MTCL1: variants seen among roughly 807,000 people sequenced by gnomAD.
The protein encoded by MTCL1 is microtubule crosslinking factor 1, also known as microtubule cross-linking factor 1.
A neutral mutation model predicts 141.4 loss-of-function variants in MTCL1; 79 were observed. That is an observed-to-expected ratio of 0.56 (90% CI 0.47 to 0.67). The LOEUF is 0.67. MTCL1 is among the 30% of genes least tolerant of loss of function. The pLI is 0.00. For synonymous variants in MTCL1, 914 were observed against 875.8 expected, an observed-to-expected ratio of 1.04 and a Z score of -0.77; for missense variants, 2,177 against 2,113.9, an observed-to-expected ratio of 1.03 and a Z score of -0.59.
intron 7 of MTCL1, chr18:8,789,543 A>T: frequency 1.0e-6 from 1 of 985,444 alleles, no homozygotes; most frequent in Non-Finnish European, 1.2e-6. Context: ...TCAGTGTGGG[A>T]TGCAGCTCTA....
At chr18:8,753,758 G>A (rs2096383511) in intron 4 of MTCL1, among the ~76,000 whole-genome samples, 1 of 152,166 alleles carries the variant, frequency 6.6e-6, no homozygotes. Context: ...ACGGTCCTGA[G>A]AAATAGTCCA....
At chr18:8,727,030 A>C (rs2726350) in intron 4 of MTCL1, among the ~76,000 whole-genome samples, 75,432 of 151,942 alleles carry the variant, frequency 0.5, 20,814 homozygotes, top group African/African-American at 0.74. Context: ...TTAGCTCTCA[A>C]TTGTAAGTGA....
chr18:8,826,356 G>C lies in MTCL1; in HGVS notation c.4722+124G>C, dbSNP rs1190901839. On this transcript the variant is annotated intron_variant, in intron 15 of 16. Transcript: ENST00000359865. ...AGGAATCGTCCATGATTGGTTATTG[G>C]GAGCTGGGGAGGTGTTAGGTTTATG... 8 of 964,058 alleles carry C rather than the reference G, an allele frequency of 8.3e-6. No individual in the cohort carries two copies. In the Admixed American group the frequency reaches 2.4e-4, roughly 29 times the overall value. 59.7% of individuals were successfully genotyped at this position (964,058 alleles called of 1,614,324 possible). A position where few individuals can be genotyped will look rare whatever the true frequency, so the allele number is the denominator to read the frequency against.
intron 4 of MTCL1, among the ~76,000 whole-genome samples, chr18:8,773,391 G>C (rs1281041234): frequency 6.6e-6 from 1 of 152,120 alleles, no homozygotes; most frequent in Non-Finnish European, 1.5e-5. Flanking sequence ...TTAATTGTCA[G>C]TAATTGTGTT....
intron 4 of MTCL1, among the ~76,000 whole-genome samples, chr18:8,741,490 G>A (rs940854374): frequency 6.6e-6 from 1 of 152,076 alleles, no homozygotes; most frequent in African/African-American, 2.4e-5. Context: ...TGCTTTTCCA[G>A]GGCAAAAATT....
At chr18:8,754,910 C>A (rs1199164427) in intron 4 of MTCL1, among the ~76,000 whole-genome samples, 1 of 152,124 alleles carries the variant, frequency 6.6e-6, no homozygotes, top group Non-Finnish European at 1.5e-5. Flanking sequence ...CCAGCTCTGC[C>A]CTGACTCCCT....
intron 9 of MTCL1, 140 bp from the exon 9 acceptor site, chr18:8,797,957 G>T: frequency 1.3e-6 from 1 of 775,612 alleles, no homozygotes; most frequent in Non-Finnish European, 1.9e-6. Context: ...TGGCCAAAAT[G>T]AGCATTTTAG....
chr18:8,723,715 G>A (rs559912372), intron 4 of MTCL1, among the ~76,000 whole-genome samples: 41 of 152,194 alleles, frequency 2.7e-4, no homozygotes, highest in African/African-American at 8.9e-4. Context: ...TTTGTGAAAC[G>A]GTCTCTGAGT....
Position 8,779,933 on chromosome 18 carries a change from T to C in MTCL1, c.417+2041T>C, listed in dbSNP as rs1475516534. Reference sequence around the variant, plus strand: ...TAGGTTCATGGAGACGGAGGAGAATTGTTCTATGATAGATTTGTAGTGGAT... The same window carrying C: ...TAGGTTCATGGAGACGGAGGAGAATCGTTCTATGATAGATTTGTAGTGGAT... On this transcript the variant is annotated intron_variant, in intron 5 of 16. Transcript: ENST00000359865. The surrounding 1 kb of genome is among the most constrained non-coding windows in gnomAD (Gnocchi z 4.1). 6.6e-6 allele frequency among the ~76,000 whole-genome samples: 1 copy of C among 152,140 alleles called. No homozygotes were observed. Among genetic ancestry groups the C allele is most frequent in the African/African-American group, 2.4e-5 (1 of 41,422 alleles).
At chr18:8,784,666 G>C in exon 6 of MTCL1, 1 of 1,614,156 alleles carries the variant, frequency 6.2e-7, no homozygotes. Context: ...TCAACGCCAA[G>C]ATGAAGGCTT....
rs569355714 is a variant in MTCL1 at position 8,748,951 on chromosome 18, A to G, written c.357+28455A>G. Among the ~76,000 whole-genome samples the G allele has an allele frequency of 1.8e-3, 277 of 152,326 alleles. 2 individuals carry two copies. Among genetic ancestry groups the G allele is most frequent in the African/African-American group, 6.4e-3 (266 of 41,572 alleles). On this transcript the variant is annotated intron_variant, in intron 4 of 16. Coordinates refer to ENST00000359865, the Ensembl canonical transcript of MTCL1. Reference sequence around the variant, plus strand: ...CCTTCAAAGCAGTTTCTTGTGCACAAGGACAGATGGGGTGTCCTCTGTTCA... The same window carrying G: ...CCTTCAAAGCAGTTTCTTGTGCACAGGGACAGATGGGGTGTCCTCTGTTCA...
chr18:8,773,691 A>G (rs1440064554), intron 4 of MTCL1, among the ~76,000 whole-genome samples: 1 of 152,058 alleles, frequency 6.6e-6, no homozygotes, highest in Non-Finnish European at 1.5e-5. Flanking sequence ...ATTTTAATTC[A>G]TCTAAGATTT....
chr18:8,780,489 C>G (rs2096529071), intron 5 of MTCL1, among the ~76,000 whole-genome samples: 1 of 152,250 alleles, frequency 6.6e-6, no homozygotes, highest in African/African-American at 2.4e-5. Flanking sequence ...CTGGACAATG[C>G]TGCCCTCTGT....
At chr18:8,718,711 G>T (rs905059217) in intron 3 of MTCL1, 63 bp downstream of exon 2, 4 of 1,478,954 alleles carry the variant, frequency 2.7e-6, no homozygotes, top group Non-Finnish European at 3.8e-6. Flanking sequence ...CCACATGCAC[G>T]TTGCCCTGGT....
rs547355705 is a variant in MTCL1, at chr18:8,814,351, A to G, written c.2859+1118A>G. Among the ~76,000 whole-genome samples, 21 of 152,318 alleles carry G rather than the reference A, an allele frequency of 1.4e-4. No individual in the cohort carries two copies. In the East Asian group the frequency reaches 3.9e-3, roughly 28 times the overall value. ...GACCGAGACCCCGTCTCCAAAAAACAAAAGAAGGAAAGTACACTGCAGATA... is the reference window on the plus strand; with the variant it reads ...GACCGAGACCCCGTCTCCAAAAAACGAAAGAAGGAAAGTACACTGCAGATA... On this transcript the variant is annotated intron_variant, in intron 12 of 16. Coordinates refer to ENST00000359865, the Ensembl canonical transcript of MTCL1.
chr18:8,823,147 C>T (rs2076902063), intron 14 of MTCL1, among the ~76,000 whole-genome samples: 1 of 152,216 alleles, frequency 6.6e-6, no homozygotes, highest in African/African-American at 2.4e-5. Context: ...TTCCACCATA[C>T]TCTCTTCGTT....
At chr18:8,789,415 T>C (rs2075640629) in intron 7 of MTCL1, 1 of 985,328 alleles carries the variant, frequency 1.0e-6, no homozygotes, top group Non-Finnish European at 1.2e-6. Context: ...ACTCTAGTGA[T>C]GGCCATGAAA....
chr18:8,767,829 C>G (rs2096466488), intron 4 of MTCL1, among the ~76,000 whole-genome samples: 1 of 152,008 alleles, frequency 6.6e-6, no homozygotes, highest in Non-Finnish European at 1.5e-5. Context: ...ATAAAGTCAT[C>G]CATAATTCTA....
intron 4 of MTCL1, among the ~76,000 whole-genome samples, chr18:8,722,767 A>G (rs2096181921): frequency 1.3e-5 from 2 of 152,226 alleles, no homozygotes; most frequent in Admixed American, 1.3e-4. Flanking sequence ...GTTCAAAAGT[A>G]TGTTGTTCAA....
Sources: allele counts gnomAD v4.1 joint callset (sites outside exome capture counted in the v4.1 genomes callset), GRCh38; gene constraint gnomAD v4.1.1; non-coding constraint Gnocchi (gnomAD v3.1); transcripts MANE v1.5; gene names NCBI Gene and HGNC (gene_info 2026-07-23, HGNC 2026-07-21).